Variants in HDAC2 observed in about 807,000 individuals in gnomAD.
HDAC2 encodes histone deacetylase 2.
HDAC2 carries 5 observed loss-of-function variants against 68.5 expected under a neutral mutation model. That is an observed-to-expected ratio of 0.07 (90% CI 0.04 to 0.15). The LOEUF (loss-of-function observed/expected upper bound fraction) is 0.15, where lower values mean the gene tolerates loss of function less well. HDAC2 is among the 10% of genes least tolerant of loss of function. The pLI is 1.00. For synonymous variants in HDAC2, 182 were observed against 191.3 expected (o/e 0.95, Z 0.40); for missense variants, 291 against 600.8 (o/e 0.48, Z 5.39).
At position 113,934,246 on chromosome 6, in the gene HDAC2, T is replaced by C. The variant is rs1422527780; in HGVS notation, c.*6812A>G. On this transcript the variant is annotated 3_prime_UTR_variant, in exon 14 of 14. Transcript: ENST00000519065. ...CTATCTGGGTTAATGACTATCTGGG[T>C]TGATACGCATCTCAAGGCCAGAAAG... is the stretch of plus-strand genomic sequence containing the variant. 1 of 152,174 alleles carries C rather than the reference T, an allele frequency of 6.6e-6. No individual in the cohort carries two copies. The highest frequency in any genetic ancestry group is 2.4e-5 in the African/African-American group (1 of 41,436). The allele number at this position is 152,174 out of a possible 1,614,324, so 9.4% of individuals were successfully genotyped here.
At chr6:113,958,794 G>T in intron 2 of HDAC2, 28 bp from the exon 3 acceptor site, 2 of 1,266,272 alleles carry the variant, frequency 1.6e-6, no homozygotes, top group Admixed American at 1.7e-5. Flanking sequence ...TGTCAGAACT[G>T]TGGAATTACA....
intron 4 of HDAC2, 63 bp from the exon 5 acceptor site, chr6:113,956,214 CAA>C: frequency 1.5e-6 from 2 of 1,345,220 alleles, no homozygotes; most frequent in Non-Finnish European, 2.0e-6. Context: ...TAGAATGAGA[CAA>C]AAACACTACA....
At position 113,944,429 on chromosome 6, in the gene HDAC2, G is replaced by C. The variant is rs1444267243; in HGVS notation, c.1092-19C>G. On this transcript the variant is annotated intron_variant, in intron 10 of 13. Coordinates refer to ENST00000519065, the MANE Select transcript of HDAC2 (RefSeq NM_001527.4). ...ACGCTGTCTAAATTACACATGCAAA[G>C]TTTATTAGACAAAATTAAATTTCTT... 1.2e-6 allele frequency: 2 copies of C among 1,600,910 alleles called. No homozygotes were observed. The highest frequency in any genetic ancestry group is 1.7e-6 in the Non-Finnish European group (2 of 1,172,996).
At chr6:113,970,394 T>G in intron 1 of HDAC2, 9 of 930,216 alleles carry the variant, frequency 9.7e-6, no homozygotes, top group Non-Finnish European at 9.0e-6. Flanking sequence ...CCGCGGGGCT[T>G]TGTGTAGAGT....
chr6:113,958,701 T>A lies in HDAC2; in HGVS notation c.231A>T (p.Leu77=). Residue 77 remains leucine, a synonymous_variant, in exon 3 of 14, where the codon CTA becomes CTT. Coordinates refer to ENST00000519065, the MANE Select transcript of HDAC2 (RefSeq NM_001527.4). ...ACATGTTATCTGGTCTTATTGACCG[T>A]AGAAATTTGATATACTCATCACTGT... The part of the protein sequence containing the change: ...KYHSDEYIKF[L]RSIRPDNMSE... 6.2e-7 allele frequency: 1 copy of A among 1,609,476 alleles called. No homozygotes were observed. Among genetic ancestry groups the A allele is most frequent in the Non-Finnish European group, 8.5e-7 (1 of 1,176,760 alleles).
chr6:113,952,238 G>A (rs994979824), intron 6 of HDAC2, among the ~76,000 whole-genome samples: 1 of 152,204 alleles, frequency 6.6e-6, no homozygotes, highest in Non-Finnish European at 1.5e-5. Flanking sequence ...TGGGGAAAGG[G>A]AGAAATTGAA....
At position 113,934,558 on chromosome 6, in the gene HDAC2, C is replaced by T. The variant is rs1267157146; in HGVS notation, c.*6500G>A. ...CTTGTTTACCTTACCTATAGGGGTC[C>T]AGATGTGTTTTTCTGGGAAATCAGA... On this transcript the variant is annotated 3_prime_UTR_variant, in exon 14 of 14. Coordinates refer to ENST00000519065, the MANE Select transcript of HDAC2 (RefSeq NM_001527.4). The T allele has an allele frequency of 6.6e-6, 1 of 152,086 alleles. No individual in the cohort carries two copies. The allele number at this position is 152,086 out of a possible 1,614,324, so 9.4% of individuals were successfully genotyped here. A position where few individuals can be genotyped will look rare whatever the true frequency, so the allele number is the denominator to read the frequency against.
intron 9 of HDAC2, among the ~76,000 whole-genome samples, chr6:113,945,751 TATTCAACGTTTTATTTTTATAAA>T: frequency 6.6e-6 from 1 of 152,358 alleles, no homozygotes; most frequent in Middle Eastern, 3.4e-3. Flanking sequence ...TTACATGAAA[TATTCAACGTTTTATTTTTATAAA>T]ACAGGCTCAG....
intron 3 of HDAC2, 109 bp from the exon 4 acceptor site, chr6:113,956,802 A>T: frequency 1.4e-6 from 1 of 728,262 alleles, no homozygotes; most frequent in Non-Finnish European, 2.5e-6. Context: ...GCAATCATCA[A>T]ACATACACTT....
At chr6:113,962,114 T>G (rs1319702340) in intron 1 of HDAC2, among the ~76,000 whole-genome samples, 19 of 152,104 alleles carry the variant, frequency 1.2e-4, no homozygotes, top group Admixed American at 1.2e-3. Flanking sequence ...TAATTAACAC[T>G]TGTTGAGTGC....
chr6:113,951,145 G>A (rs1051719627), intron 6 of HDAC2, among the ~76,000 whole-genome samples: 1 of 152,320 alleles, frequency 6.6e-6, no homozygotes, highest in South Asian at 2.1e-4. Flanking sequence ...GCCCTTGTTA[G>A]ACATAGCTTT....
rs973517311 is a variant in HDAC2 at position 113,970,701 on chromosome 6, T to C, written c.52+156A>G. ...GGGCTGCGCCAGGAAGAGGGTCTCG[T>C]TCTAACTGTGCCGGGCCGGGAACGG... On this transcript the variant is annotated intron_variant, in intron 1 of 13. Coordinates refer to ENST00000519065, the MANE Select transcript of HDAC2 (RefSeq NM_001527.4). 9.4e-6 allele frequency: 13 copies of C among 1,386,528 alleles called. No homozygotes were observed. The Admixed American group carries it at 2.5e-4, about 26-fold the overall frequency. The allele number at this position is 1,386,528 out of a possible 1,614,324, so 85.9% of individuals were successfully genotyped here. A position where few individuals can be genotyped will look rare whatever the true frequency, so the allele number is the denominator to read the frequency against.
At position 113,933,869 on chromosome 6, in the gene HDAC2, C is replaced by T. The variant is rs1046938101; in HGVS notation, c.*7189G>A. 6.6e-6 allele frequency: 1 copy of T among 151,446 alleles called. No individual in the cohort carries two copies. The highest frequency in any genetic ancestry group is 2.4e-5 in the African/African-American group (1 of 41,174). The allele number at this position is 151,446 out of a possible 1,614,324, so 9.4% of individuals were successfully genotyped here. A position where few individuals can be genotyped will look rare whatever the true frequency, so the allele number is the denominator to read the frequency against. ...ATTCTCTTTCTTTTATCCCTTATTC[C>T]AATCCTGTTATTATTAAGGATTATA... is the stretch of plus-strand genomic sequence containing the variant. On this transcript the variant is annotated 3_prime_UTR_variant, in exon 14 of 14. Transcript: ENST00000519065.
In HDAC2 at chr6:113,938,196, A is replaced by C. The variant is rs1776048968; in HGVS notation, c.*2862T>G. 6.6e-6 allele frequency: 1 copy of C among 152,220 alleles called. No individual in the cohort carries two copies. Among genetic ancestry groups the C allele is most frequent in the South Asian group, 2.1e-4 (1 of 4,830 alleles). The allele number at this position is 152,220 out of a possible 1,614,324, so 9.4% of individuals were successfully genotyped here. ...ATAGGTTTAAAAAACTAAGTTAAAA[A>C]ATAAGTCTCTCTATAGCTTTTTATT... On this transcript the variant is annotated 3_prime_UTR_variant, in exon 14 of 14. Transcript: ENST00000519065.
intron 10 of HDAC2, among the ~76,000 whole-genome samples, chr6:113,945,022 T>C (rs1455923873): frequency 6.6e-6 from 1 of 151,996 alleles, no homozygotes; most frequent in African/African-American, 2.4e-5. Context: ...ACATTTCAAC[T>C]AATAAAAAAA....
intron 11 of HDAC2, 145 bp downstream of exon 11, chr6:113,944,135 G>C: frequency 1.4e-6 from 1 of 691,464 alleles, no homozygotes; most frequent in Non-Finnish European, 2.5e-6. Context: ...GAGACATCAG[G>C]AAGCTAAATC....
At chr6:113,954,365 T>C (rs1268679714) in intron 5 of HDAC2, among the ~76,000 whole-genome samples, 2 of 152,098 alleles carry the variant, frequency 1.3e-5, no homozygotes, top group Non-Finnish European at 2.9e-5. Flanking sequence ...CAGCATACCA[T>C]AGTACAGCAA....
rs1429872523 is a variant in HDAC2 at position 113,939,565 on chromosome 6, C to T, written c.*1493G>A. The stretch of plus-strand genomic sequence containing the variant: ...ACGAAGGGACTAAGTTTCTTAGTTC[C>T]TAATGTCATAAAGGTTTACAGATTG... On this transcript the variant is annotated 3_prime_UTR_variant, in exon 14 of 14. Transcript: ENST00000519065. 6.6e-6 allele frequency: 1 copy of T among 152,062 alleles called. No homozygotes were observed. The highest frequency in any genetic ancestry group is 1.9e-4 in the East Asian group (1 of 5,188). The allele number at this position is 152,062 out of a possible 1,614,324, so 9.4% of individuals were successfully genotyped here. A position where few individuals can be genotyped will look rare whatever the true frequency, so the allele number is the denominator to read the frequency against.
chr6:113,941,050 T>C lies in HDAC2; in HGVS notation c.*8A>G. On this transcript the variant is annotated 3_prime_UTR_variant, in exon 14 of 14. Coordinates refer to ENST00000519065, the MANE Select transcript of HDAC2 (RefSeq NM_001527.4). Reference sequence around the variant, plus strand: ...AATGATTTTCTGAAATTGGTGAGACTGTCAAATTCAGGGGTTGCTGAGCTG... The same window carrying C: ...AATGATTTTCTGAAATTGGTGAGACCGTCAAATTCAGGGGTTGCTGAGCTG... 1.9e-6 allele frequency: 3 copies of C among 1,602,930 alleles called. No homozygotes were observed. The highest frequency in any genetic ancestry group is 2.6e-6 in the Non-Finnish European group (3 of 1,173,720).
Sources: gnomAD v4.1 joint callset for allele counts (sites outside exome capture counted in the v4.1 genomes callset) on GRCh38, gnomAD v4.1.1 for gene constraint, MANE v1.5 for transcripts, NCBI Gene and HGNC (gene_info 2026-07-23, HGNC 2026-07-21) for gene names.